KIF26B: variants seen among roughly 807,000 people sequenced by gnomAD.
KIF26B encodes kinesin-like protein KIF26B.
A neutral mutation model predicts 151.2 loss-of-function variants in KIF26B; 63 were observed. The observed-to-expected ratio is 0.42, with a 90% CI of 0.34 to 0.51. The LOEUF (loss-of-function observed/expected upper bound fraction) is 0.51. KIF26B is among the 20% of genes least tolerant of loss of function. The pLI is 0.07. For missense variants in KIF26B, 2,813 were observed against 2,913.6 expected (o/e 0.97, Z 0.79); for synonymous variants, 1,357 against 1,262.1 (o/e 1.08, Z -1.59).
intron 4 of KIF26B, among the ~76,000 whole-genome samples, chr1:245,474,779 T>A (rs543107396): frequency 3.0e-4 from 46 of 151,818 alleles, no homozygotes; most frequent in African/African-American, 1.0e-3. Flanking sequence ...CTTCTCTTCG[T>A]CTCCCATCCC....
chr1:245,171,709 C>T (rs1387092255), intron 2 of KIF26B, among the ~76,000 whole-genome samples: 3 of 152,128 alleles, frequency 2.0e-5, no homozygotes, highest in Non-Finnish European at 2.9e-5. Flanking sequence ...TAGAGGGAAC[C>T]TACAGGGTGT....
intron 4 of KIF26B, among the ~76,000 whole-genome samples, chr1:245,494,930 C>T (rs1660482460): frequency 6.6e-6 from 1 of 151,980 alleles, no homozygotes; most frequent in African/African-American, 2.4e-5. Flanking sequence ...GTCCCAGCTA[C>T]TTGGGAGGCT....
intron 3 of KIF26B, among the ~76,000 whole-genome samples, chr1:245,395,129 A>G (rs907281860): frequency 6.6e-5 from 10 of 152,168 alleles, no homozygotes; most frequent in Admixed American, 5.9e-4. Flanking sequence ...AAAAGTAAGC[A>G]GTTTGATTTT....
At chr1:245,323,597 G>A (rs1219134873) in intron 2 of KIF26B, among the ~76,000 whole-genome samples, 2 of 152,178 alleles carry the variant, frequency 1.3e-5, no homozygotes, top group African/African-American at 2.4e-5. Flanking sequence ...TCTGGGGAAG[G>A]TTCTCCTCAG....
chr1:245,622,394 G>C (rs2043673327), intron 9 of KIF26B, among the ~76,000 whole-genome samples: 1 of 152,020 alleles, frequency 6.6e-6, no homozygotes, highest in African/African-American at 2.4e-5. Context: ...GGAAGGGGTG[G>C]AGGCAGATTA....
In KIF26B at chr1:245,666,336, C is replaced by T. The variant is rs930171243; in HGVS notation, c.2259-17897C>T. ...GAAAGTCTATCCAATTCTTCCATCT[C>T]ATTTTAATAAGTCTTAGTAATAACT... On this transcript the variant is annotated intron_variant, in intron 10 of 14. Transcript: ENST00000407071. Among the ~76,000 whole-genome samples, 5 of 152,112 alleles carry T rather than the reference C, an allele frequency of 3.3e-5. No homozygotes were observed. In the East Asian group the frequency reaches 5.8e-4, roughly 18 times the overall value.
At chr1:245,337,499 A>C (rs1672257896) in intron 2 of KIF26B, among the ~76,000 whole-genome samples, 1 of 149,300 alleles carries the variant, frequency 6.7e-6, no homozygotes, top group South Asian at 2.1e-4. Flanking sequence ...TAGCCTGGTG[A>C]CCTAGAAGTA....
chr1:245,383,593 C>T (rs1431478405), intron 3 of KIF26B, among the ~76,000 whole-genome samples: 1 of 151,998 alleles, frequency 6.6e-6, no homozygotes, highest in Non-Finnish European at 1.5e-5. Context: ...GGCTAGGTGG[C>T]CCACTCTCTC....
At chr1:245,483,803 C>A (rs1660220791) in intron 4 of KIF26B, among the ~76,000 whole-genome samples, 1 of 151,872 alleles carries the variant, frequency 6.6e-6, no homozygotes, top group South Asian at 2.1e-4. Context: ...TCTAATCTTA[C>A]AGGGCGACTA....
At chr1:245,695,076 C>T (rs933023889) in intron 12 of KIF26B, among the ~76,000 whole-genome samples, 3 of 152,274 alleles carry the variant, frequency 2.0e-5, no homozygotes, top group South Asian at 2.1e-4. Flanking sequence ...TGACCCCACT[C>T]GCAGCCTGGA....
chr1:245,259,860 A>G (rs1398587042), intron 2 of KIF26B, among the ~76,000 whole-genome samples: 1 of 149,070 alleles, frequency 6.7e-6, no homozygotes, highest in Non-Finnish European at 1.5e-5. Context: ...GCTTAGGCCC[A>G]GGAGGTCAAG....
intron 2 of KIF26B, among the ~76,000 whole-genome samples, chr1:245,211,686 CT>C (rs761020610): frequency 2.6e-5 from 4 of 152,244 alleles, no homozygotes; most frequent in Admixed American, 6.5e-5. Flanking sequence ...ATGTGAGCCA[CT>C]GTGCCTGGCC....
At chr1:245,327,664 G>C (rs1326089038) in intron 2 of KIF26B, among the ~76,000 whole-genome samples, 1 of 152,134 alleles carries the variant, frequency 6.6e-6, no homozygotes, top group East Asian at 1.9e-4. Context: ...CCAGAGCTCT[G>C]TGTCCCTGGA....
chr1:245,291,949 T>A (rs1671259651), intron 2 of KIF26B, among the ~76,000 whole-genome samples: 2 of 151,958 alleles, frequency 1.3e-5, no homozygotes, highest in African/African-American at 2.4e-5. Flanking sequence ...CCAGACCGGG[T>A]CTCCTGGGGC....
rs1661593753 is a variant in KIF26B, at chr1:245,540,646, A to C, written c.1167-121A>C. The C allele has an allele frequency of 4.6e-6, 4 of 872,272 alleles. No homozygotes were observed. The highest frequency in any genetic ancestry group is 7.9e-6 in the Non-Finnish European group (4 of 503,730). 54.0% of individuals were successfully genotyped at this position (872,272 alleles called of 1,614,324 possible). On this transcript the variant is annotated intron_variant, in intron 4 of 14. Coordinates refer to ENST00000407071, the MANE Select transcript of KIF26B (RefSeq NM_018012.4). This position sits in a 1 kb window ranked among gnomAD's most constrained non-coding sequence, Gnocchi z 4.6. The stretch of plus-strand genomic sequence containing the variant: ...ACTGCTACAGAGGACACTGAGCAGG[A>C]GGAGAGAAGGAATGATTAGGCCTCA...
chr1:245,573,222 A>G (rs770737044), intron 5 of KIF26B, among the ~76,000 whole-genome samples: 1 of 152,188 alleles, frequency 6.6e-6, no homozygotes, highest in Non-Finnish European at 1.5e-5. Context: ...CCGAGGTCAC[A>G]GTGCTTTTAA....
chr1:245,514,167 T>C (rs1036436200), intron 4 of KIF26B, among the ~76,000 whole-genome samples: 2 of 152,244 alleles, frequency 1.3e-5, no homozygotes, highest in Non-Finnish European at 2.9e-5. Flanking sequence ...TTCCACAATG[T>C]GTACATATTT....
At chr1:245,194,806 G>A (rs1385482749) in intron 2 of KIF26B, among the ~76,000 whole-genome samples, 2 of 152,136 alleles carry the variant, frequency 1.3e-5, no homozygotes, top group African/African-American at 4.8e-5. Flanking sequence ...AGGTATTGGC[G>A]TTTCTTCAAA....
rs1384524197 is a variant in KIF26B at position 245,156,170 on chromosome 1, C to A, written c.64-112C>A. ...CGCAGGGCTTGGAGAGGTCCCCAAC[C>A]GACTCCCGTGGGCGGTTCGAGCGGG... On this transcript the variant is annotated intron_variant, in intron 1 of 14. Transcript: ENST00000407071. 2.8e-6 allele frequency: 4 copies of A among 1,441,380 alleles called. No individual in the cohort carries two copies. The East Asian group carries it at 7.8e-5, about 28-fold the overall frequency. 89.3% of individuals were successfully genotyped at this position (1,441,380 alleles called of 1,614,324 possible). A position where few individuals can be genotyped will look rare whatever the true frequency, so the allele number is the denominator to read the frequency against.
Sources: allele counts gnomAD v4.1 joint callset (sites outside exome capture counted in the v4.1 genomes callset), GRCh38; gene constraint gnomAD v4.1.1; non-coding constraint Gnocchi (gnomAD v3.1); transcripts MANE v1.5; gene names NCBI Gene and HGNC (gene_info 2026-07-23, HGNC 2026-07-21).